AFF3: variants seen among roughly 807,000 people sequenced by gnomAD.
The protein encoded by AFF3 is AF4/FMR2 family member 3.
In AFF3, 32 loss-of-function variants were observed where a neutral mutation model predicts 129.7. The ratio of observed to expected loss-of-function variants is 0.25; its 90% CI spans 0.19 to 0.33. The LOEUF (loss-of-function observed/expected upper bound fraction) is 0.33. AFF3 is among the 10% of genes least tolerant of loss of function. AFF3 has a pLI of 1.00. For synonymous variants in AFF3, 644 were observed against 635.4 expected, an observed-to-expected ratio of 1.01 and a Z score of -0.20; for missense variants, 1,373 against 1,592.0, an observed-to-expected ratio of 0.86 and a Z score of 2.34.
intron 7 of AFF3, among the ~76,000 whole-genome samples, chr2:99,965,151 C>A (rs754390001): frequency 5.9e-5 from 9 of 151,578 alleles, no homozygotes; most frequent in Non-Finnish European, 1.2e-4. Flanking sequence ...CACAAATTTT[C>A]AAAAAAAATC....
At chr2:100,062,995 A>C (rs955976110) in intron 4 of AFF3, among the ~76,000 whole-genome samples, 3 of 152,126 alleles carry the variant, frequency 2.0e-5, no homozygotes, top group African/African-American at 7.2e-5. Context: ...TCACGACCGT[A>C]ATCCCACCAC....
Position 99,546,208 on chromosome 2 carries a change from TGTA to T in AFF3, c.*5263_*5265del, listed in dbSNP as rs1225091141. 5.6e-5 allele frequency: 13 copies of T among 231,580 alleles called. No homozygotes were observed. The Admixed American group carries it at 6.8e-4, about 12-fold the overall frequency. 14.3% of individuals were successfully genotyped at this position (231,580 alleles called of 1,614,324 possible). ...TTCTTATAGGGACAGACTTCAGCTG[TGTA>T]GCAGGCAAAGCTACAGAAGAGAACG... On this transcript the variant is annotated 3_prime_UTR_variant, in exon 25 of 25. Transcript: ENST00000672756.
intron 12 of AFF3, among the ~76,000 whole-genome samples, chr2:99,651,191 A>C (rs1284987645): frequency 7.3e-6 from 1 of 136,384 alleles, no homozygotes; most frequent in Non-Finnish European, 1.6e-5. Context: ...AAAAAAAAAA[A>C]GGGCTCCATT....
At chr2:100,106,593 CCT>C (rs768950470) in intron 2 of AFF3, 5 of 989,198 alleles carry the variant, frequency 5.1e-6, no homozygotes, top group Non-Finnish European at 6.0e-6. Flanking sequence ...AGGAACAGCC[CCT>C]GTCTGGAAGA....
chr2:99,573,473 G>GC (rs1469359101), intron 18 of AFF3, among the ~76,000 whole-genome samples: 1 of 152,198 alleles, frequency 6.6e-6, no homozygotes, highest in African/African-American at 2.4e-5. Context: ...CCCACTGCAA[G>GC]CCCCTGGTGG....
intron 8 of AFF3, among the ~76,000 whole-genome samples, chr2:99,754,582 A>G (rs1181070012): frequency 6.6e-6 from 1 of 152,230 alleles, no homozygotes; most frequent in African/African-American, 2.4e-5. Context: ...GCAACTCAAG[A>G]ATAAATAAAA....
intron 7 of AFF3, among the ~76,000 whole-genome samples, chr2:99,970,723 G>A (rs1024159403): frequency 7.9e-5 from 12 of 152,118 alleles, no homozygotes; most frequent in Non-Finnish European, 1.6e-4. Flanking sequence ...CCCTAGTGAC[G>A]CAGGGGCTTT....
chr2:100,059,284 T>C (rs1012708601), intron 4 of AFF3, among the ~76,000 whole-genome samples: 2 of 98,334 alleles, frequency 2.0e-5, no homozygotes, highest in South Asian at 3.3e-4. Flanking sequence ...AAAAAAGCAA[T>C]GGATCTCAAT....
At chr2:100,105,258 G>T in intron 3 of AFF3, 1 of 1,129,740 alleles carries the variant, frequency 8.9e-7, no homozygotes, top group Non-Finnish European at 1.1e-6. Flanking sequence ...GGACCCGGGT[G>T]GGTGCGGGGG....
At chr2:100,124,912 C>A (rs554823695) in intron 2 of AFF3, among the ~76,000 whole-genome samples, 26 of 152,270 alleles carry the variant, frequency 1.7e-4, no homozygotes, top group African/African-American at 6.0e-4. Flanking sequence ...ATTCTGGGAA[C>A]CTTGATCAGC....
At chr2:100,083,925 G>A (rs1252924670) in intron 4 of AFF3, among the ~76,000 whole-genome samples, 7 of 152,100 alleles carry the variant, frequency 4.6e-5, no homozygotes, top group African/African-American at 1.7e-4. Context: ...GAATCAGACG[G>A]TATGGGTTCT....
Position 99,867,836 on chromosome 2 carries a change from C to T in AFF3, c.874-30312G>A, listed in dbSNP as rs535911156. On this transcript the variant is annotated intron_variant, in intron 7 of 24. Transcript: ENST00000672756. ...GATAACCTCTCTGGCTACACAGTGACGCATCCACTGGGGCATTCCAGACTC... is the reference window on the plus strand; with the variant it reads ...GATAACCTCTCTGGCTACACAGTGATGCATCCACTGGGGCATTCCAGACTC... Among the ~76,000 whole-genome samples the T allele has an allele frequency of 1.3e-3, 195 of 152,248 alleles. 1 individual carries two copies. The highest frequency in any genetic ancestry group is 4.2e-3 in the African/African-American group (173 of 41,560).
At chr2:100,087,874 G>GATTAAAGTAT (rs1486690066) in intron 4 of AFF3, among the ~76,000 whole-genome samples, 1 of 145,754 alleles carries the variant, frequency 6.9e-6, no homozygotes, top group Non-Finnish European at 1.5e-5. Context: ...TATATTAATA[G>GATTAAAGTAT]ATTAAAGTAT....
intron 23 of AFF3, 43 bp downstream of exon 23, chr2:99,554,640 C>T: frequency 6.2e-7 from 1 of 1,613,672 alleles, no homozygotes; most frequent in African/African-American, 1.3e-5. Context: ...CAGCACCATG[C>T]ATTGTCTGGC....
chr2:99,963,705 A>G (rs947692537), intron 7 of AFF3, among the ~76,000 whole-genome samples: 2 of 152,076 alleles, frequency 1.3e-5, no homozygotes. Context: ...AATAACCCAC[A>G]GACAATTAAG....
intron 2 of AFF3, among the ~76,000 whole-genome samples, chr2:100,126,361 A>G (rs1292297015): frequency 5.3e-5 from 8 of 152,212 alleles, no homozygotes; most frequent in Admixed American, 5.2e-4. Context: ...GCCAAGGATA[A>G]TTGTAAAGAT....
At chr2:100,141,853 T>G (rs1692895024) in intron 1 of AFF3, among the ~76,000 whole-genome samples, 1 of 152,186 alleles carries the variant, frequency 6.6e-6, no homozygotes, top group Admixed American at 6.5e-5. Flanking sequence ...ATGATGTGTT[T>G]ATGCACATAC....
chr2:99,898,265 T>C (rs1694111329), intron 7 of AFF3, among the ~76,000 whole-genome samples: 1 of 152,240 alleles, frequency 6.6e-6, no homozygotes, highest in African/African-American at 2.4e-5. Flanking sequence ...TCCCATTTAC[T>C]GGGCACCCAC....
intron 8 of AFF3, 114 bp from the exon 9 acceptor site, chr2:99,752,415 T>C (rs1273182850): frequency 1.4e-6 from 1 of 736,608 alleles, no homozygotes; most frequent in East Asian, 2.8e-5. Flanking sequence ...GGTTAAAAAA[T>C]GTACAAAGGC....
Sources: gnomAD v4.1 joint callset for allele counts (sites outside exome capture counted in the v4.1 genomes callset) on GRCh38, gnomAD v4.1.1 for gene constraint, MANE v1.5 for transcripts, NCBI Gene and HGNC (gene_info 2026-07-23, HGNC 2026-07-21) for gene names.